KIAA0513: variants seen among roughly 807,000 people sequenced by gnomAD.
KIAA0513 encodes KIAA0513, also known as uncharacterized protein KIAA0513.
Under a neutral mutation model 56.5 loss-of-function variants are expected in KIAA0513, and 39 were observed. The observed-to-expected ratio is 0.69, with a 90% CI of 0.53 to 0.90. The LOEUF (loss-of-function observed/expected upper bound fraction) is 0.90. Ranked by LOEUF, KIAA0513 falls within the 40% of genes least tolerant of loss-of-function variation. KIAA0513 has a pLI of 0.00. For synonymous variants in KIAA0513, 268 were observed against 215.6 expected (o/e 1.24, Z -2.13); for missense variants, 591 against 535.2 (o/e 1.10, Z -1.03).
At chr16:85,032,992 T>C (rs1215165226) in intron 1 of KIAA0513, among the ~76,000 whole-genome samples, 1 of 152,068 alleles carries the variant, frequency 6.6e-6, no homozygotes, top group East Asian at 1.9e-4. Context: ...AGCATATCTT[T>C]TGGGTCCAGG....
chr16:85,043,556 C>T (rs1200768922), intron 1 of KIAA0513, among the ~76,000 whole-genome samples: 1 of 151,868 alleles, frequency 6.6e-6, no homozygotes, highest in African/African-American at 2.4e-5. Context: ...GGACTACAGG[C>T]GTGCGCCACC....
chr16:85,047,103 G>C (rs1049270935), intron 1 of KIAA0513, among the ~76,000 whole-genome samples: 29 of 152,180 alleles, frequency 1.9e-4, no homozygotes, highest in African/African-American at 6.8e-4. Flanking sequence ...CACTCCACCA[G>C]CTTGGGTTCA....
intron 1 of KIAA0513, among the ~76,000 whole-genome samples, chr16:85,030,141 C>T (rs1258158474): frequency 6.6e-6 from 1 of 152,212 alleles, no homozygotes; most frequent in Non-Finnish European, 1.5e-5. Flanking sequence ...GCGCCCGCCC[C>T]AAGCTTGAGG....
chr16:85,059,774 C>T (rs994429551), intron 1 of KIAA0513, among the ~76,000 whole-genome samples: 1 of 152,220 alleles, frequency 6.6e-6, no homozygotes, highest in Admixed American at 6.5e-5. Context: ...TCTTCAGCTT[C>T]GCCCTTCGAG....
Position 85,077,552 on chromosome 16 carries a change from C to T in KIAA0513, c.702C>T (p.Thr234=), listed in dbSNP as rs756834382. ...TCGCCGAGCGGCTGCTGAAGAACACCTCGGCCAGGACTGAGAATGTCAAGG... is the reference window on the plus strand; with the variant it reads ...TCGCCGAGCGGCTGCTGAAGAACACTTCGGCCAGGACTGAGAATGTCAAGG... ...KDIAERLLKN[T]SARTENVKGF... is the part of the protein sequence containing the mutation. The change falls in exon 6 of 13, where the codon ACC becomes ACT. Residue 234 remains threonine (T), a synonymous_variant. Coordinates refer to ENST00000683363, the MANE Select transcript of KIAA0513 (RefSeq NM_001388359.1). The T allele has an allele frequency of 1.2e-6, 2 of 1,614,170 alleles. No homozygotes were observed. The highest frequency in any genetic ancestry group is 1.7e-6 in the Non-Finnish European group (2 of 1,180,026).
chr16:85,037,836 C>G (rs1597589868), intron 1 of KIAA0513, among the ~76,000 whole-genome samples: 1 of 152,192 alleles, frequency 6.6e-6, no homozygotes, highest in Non-Finnish European at 1.5e-5. Flanking sequence ...CTCACGTCCT[C>G]TCTCCCTCCT....
chr16:85,065,505 C>T (rs1315609754), intron 1 of KIAA0513, among the ~76,000 whole-genome samples: 1 of 152,204 alleles, frequency 6.6e-6, no homozygotes, highest in Non-Finnish European at 1.5e-5. Context: ...TGACCTGGAA[C>T]CAGCCTTTTC....
intron 10 of KIAA0513, among the ~76,000 whole-genome samples, chr16:85,085,509 A>G (rs1419759268): frequency 6.6e-6 from 1 of 152,120 alleles, no homozygotes; most frequent in African/African-American, 2.4e-5. Flanking sequence ...AGTCAGACTC[A>G]TCCATCCAGT....
chr16:85,049,516 T>A (rs2073218558), intron 1 of KIAA0513, among the ~76,000 whole-genome samples: 1 of 152,222 alleles, frequency 6.6e-6, no homozygotes, highest in South Asian at 2.1e-4. Flanking sequence ...ATGAATGGTT[T>A]AGTGCCATCC....
At chr16:85,049,837 A>C (rs2073224511) in intron 1 of KIAA0513, among the ~76,000 whole-genome samples, 2 of 152,208 alleles carry the variant, frequency 1.3e-5, no homozygotes, top group African/African-American at 4.8e-5. Flanking sequence ...ATAAGGCCCG[A>C]GTCCTGCATC....
chr16:85,075,573 C>T (rs561709654), intron 4 of KIAA0513, among the ~76,000 whole-genome samples: 6 of 152,182 alleles, frequency 3.9e-5, no homozygotes, highest in Non-Finnish European at 8.8e-5. Context: ...TCCTGGGCGT[C>T]AAGTTGAGCT....
intron 1 of KIAA0513, among the ~76,000 whole-genome samples, chr16:85,047,733 T>C (rs1567525807): frequency 6.6e-6 from 1 of 152,088 alleles, no homozygotes; most frequent in Non-Finnish European, 1.5e-5. Flanking sequence ...ACCCCTTTCC[T>C]GTTACTAGAT....
rs570527595 is a variant in KIAA0513, at chr16:85,058,624, C to T, written c.-172-8276C>T. 1.1e-3 allele frequency among the ~76,000 whole-genome samples: 164 copies of T among 151,042 alleles called. 1 individual carries two copies. Among genetic ancestry groups the T allele is most frequent in the Non-Finnish European group, 2.0e-3 (133 of 67,866 alleles). ...CCAAGATTGCTCCACTGCGCTCCAGCCTGGGCAACAAGAGCGGAACTCCAT... is the reference window on the plus strand; with the variant it reads ...CCAAGATTGCTCCACTGCGCTCCAGTCTGGGCAACAAGAGCGGAACTCCAT... On this transcript the variant is annotated intron_variant, in intron 1 of 12. Transcript: ENST00000683363.
At chr16:85,062,185 C>G (rs2073415318) in intron 1 of KIAA0513, among the ~76,000 whole-genome samples, 1 of 150,074 alleles carries the variant, frequency 6.7e-6, no homozygotes, top group Admixed American at 6.7e-5. Context: ...CTATCTTCCC[C>G]TCTCCCTGCC....
chr16:85,056,222 C>G (rs1024887895), intron 1 of KIAA0513, among the ~76,000 whole-genome samples: 2 of 152,226 alleles, frequency 1.3e-5, no homozygotes, highest in African/African-American at 4.8e-5. Flanking sequence ...GGATCCTAAA[C>G]TGCCATAGGA....
intron 1 of KIAA0513, among the ~76,000 whole-genome samples, chr16:85,046,379 C>T (rs554031297): frequency 8.5e-5 from 13 of 152,336 alleles, no homozygotes; most frequent in African/African-American, 2.4e-4. Context: ...CTTGGGGCTC[C>T]GATATTGCGA....
intron 3 of KIAA0513, among the ~76,000 whole-genome samples, chr16:85,072,292 A>C (rs1484495969): frequency 5.3e-5 from 8 of 152,144 alleles, no homozygotes; most frequent in African/African-American, 1.7e-4. Context: ...CAACTTTATG[A>C]AATTCCGGAA....
At chr16:85,047,959 A>G (rs1251083676) in intron 1 of KIAA0513, among the ~76,000 whole-genome samples, 1 of 152,158 alleles carries the variant, frequency 6.6e-6, no homozygotes, top group Non-Finnish European at 1.5e-5. Context: ...TTTTAGCCAC[A>G]TTCAGTGGGC....
intron 1 of KIAA0513, among the ~76,000 whole-genome samples, chr16:85,028,823 A>T (rs1444093659): frequency 6.6e-6 from 1 of 152,142 alleles, no homozygotes; most frequent in Non-Finnish European, 1.5e-5. Flanking sequence ...GGCGCCCCTG[A>T]CGTGGAAGTA....
Sources: gnomAD v4.1 joint callset for allele counts (sites outside exome capture counted in the v4.1 genomes callset) on GRCh38, gnomAD v4.1.1 for gene constraint, MANE v1.5 for transcripts, NCBI Gene and HGNC (gene_info 2026-07-23, HGNC 2026-07-21) for gene names.